The following ANKRD27 variants were observed in gnomAD, a reference collection of about 807,000 sequenced individuals.
ANKRD27 encodes ankyrin repeat domain-containing protein 27.
A neutral mutation model predicts 129.7 loss-of-function variants in ANKRD27; 112 were observed. The observed-to-expected ratio is 0.86, with a 90% CI of 0.74 to 1.01. The LOEUF is 1.01. ANKRD27 is among the 50% of genes least tolerant of loss of function. The pLI is 0.00. For missense variants in ANKRD27, 1,258 were observed against 1,300.5 expected (o/e 0.97, Z 0.50); for synonymous variants, 516 against 511.2 (o/e 1.01, Z -0.13).
chr19:32,656,107 GAAAAGAAAAGA>G (rs1462233024), intron 2 of ANKRD27, among the ~76,000 whole-genome samples: 37 of 107,960 alleles, frequency 3.4e-4, no homozygotes, highest in African/African-American at 1.2e-3. Flanking sequence ...AAGAAAGAAA[GAAAAGAAAAGA>G]AAAGAAAAGA....
rs756676853 is a variant in ANKRD27, at chr19:32,628,784, A to G, written c.1275T>C (p.Asp425=). Reference sequence around the variant, plus strand: ...GAGGGTGACACATCTTTTGGACGGTATCTTTATCATGGTCCTCTTGGCTCA... The same window carrying G: ...GAGGGTGACACATCTTTTGGACGGTGTCTTTATCATGGTCCTCTTGGCTCA... ...RLLSQEDHDK[D]TVQKMCHPLC... Residue 425 remains aspartate (D), a synonymous_variant, in exon 14 of 29, where the codon GAT becomes GAC. Coordinates refer to ENST00000306065, the MANE Select transcript of ANKRD27 (RefSeq NM_032139.3). 6.2e-7 allele frequency: 1 copy of G among 1,614,190 alleles called. No individual in the cohort carries two copies. Among genetic ancestry groups the G allele is most frequent in the South Asian group, 1.1e-5 (1 of 91,080 alleles).
intron 26 of ANKRD27, chr19:32,600,283 T>G: frequency 2.7e-6 from 1 of 373,582 alleles, no homozygotes; most frequent in South Asian, 3.2e-5. Context: ...CTCATGCCTG[T>G]AATCCCAGCA....
At chr19:32,643,016 C>A in intron 9 of ANKRD27, 107 bp downstream of exon 9, 3 of 1,067,360 alleles carry the variant, frequency 2.8e-6, no homozygotes, top group South Asian at 1.3e-5. Context: ...TCAGAACTAA[C>A]CACATCAAAC....
chr19:32,610,049 G>A (rs1026072964), intron 22 of ANKRD27, among the ~76,000 whole-genome samples: 2 of 151,966 alleles, frequency 1.3e-5, no homozygotes, highest in African/African-American at 2.4e-5. Flanking sequence ...GGTAGCTTAC[G>A]CCTGTAATGC....
At position 32,619,569 on chromosome 19, in the gene ANKRD27, G is replaced by A. The variant is rs1329622855; in HGVS notation, c.1828-16C>T. Reference sequence around the variant, plus strand: ...CAGACAGAATCTAGGGGGACAAGGGGGATGCCAACAGTACCCCGTGAGATG... The same window carrying A: ...CAGACAGAATCTAGGGGGACAAGGGAGATGCCAACAGTACCCCGTGAGATG... On this transcript the variant is annotated splice_polypyrimidine_tract_variant and intron_variant, in intron 18 of 28. Transcript: ENST00000306065. 6.2e-7 allele frequency: 1 copy of A among 1,614,036 alleles called. No homozygotes were observed. Among genetic ancestry groups the A allele is most frequent in the Non-Finnish European group, 8.5e-7 (1 of 1,180,018 alleles).
Position 32,606,548 on chromosome 19 carries a change from C to T in ANKRD27, c.2374-594G>A, listed in dbSNP as rs184834511. On this transcript the variant is annotated intron_variant, in intron 23 of 28. Coordinates refer to ENST00000306065, the MANE Select transcript of ANKRD27 (RefSeq NM_032139.3). ...CCATCTGCTGCGGGGCTGCTCTGTGCGGTTGAAGCGCAGGGTGACAGTGAT... is the reference window on the plus strand; with the variant it reads ...CCATCTGCTGCGGGGCTGCTCTGTGTGGTTGAAGCGCAGGGTGACAGTGAT... Among the ~76,000 whole-genome samples, 10 of 152,350 alleles carry T rather than the reference C, an allele frequency of 6.6e-5. No individual in the cohort carries two copies. In the East Asian group the frequency reaches 9.6e-4, roughly 15 times the overall value.
chr19:32,603,446 G>C (rs1305554581), intron 25 of ANKRD27, among the ~76,000 whole-genome samples: 1 of 152,172 alleles, frequency 6.6e-6, no homozygotes, highest in African/African-American at 2.4e-5. Flanking sequence ...CGCTCGCCAG[G>C]GGAAAAGGAC....
At chr19:32,636,395 A>G (rs1302627711) in intron 12 of ANKRD27, 1 of 152,910 alleles carries the variant, frequency 6.5e-6, no homozygotes, top group Non-Finnish European at 1.5e-5. Context: ...GGCTAGCTGC[A>G]GCTATGTAGC....
chr19:32,641,263 C>G (rs1449592318), intron 10 of ANKRD27, among the ~76,000 whole-genome samples: 1 of 151,872 alleles, frequency 6.6e-6, no homozygotes, highest in African/African-American at 2.4e-5. Context: ...CCTTGCCACC[C>G]CCTTGGACGC....
rs78900735 is a variant in ANKRD27, at chr19:32,635,038, G to A, written c.1117-3544C>T. Among the ~76,000 whole-genome samples the A allele has an allele frequency of 0.017, 2,618 of 152,282 alleles. 136 individuals carry two copies. In the East Asian group the frequency reaches 0.21, roughly 12 times the overall value. ...GAAATAAAAGGAGGTGTGAGAAGCC[G>A]ATGTATACTGTTTGGTCAGCCACCT... On this transcript the variant is annotated intron_variant, in intron 12 of 28. Transcript: ENST00000306065.
At chr19:32,607,981 T>C (rs1432191589) in intron 22 of ANKRD27, 149 bp from the exon 23 acceptor site, 2 of 828,066 alleles carry the variant, frequency 2.4e-6, no homozygotes, top group Non-Finnish European at 3.8e-6. Flanking sequence ...TTTAGAAGTA[T>C]GTGGCATGCC....
intron 23 of ANKRD27, 146 bp downstream of exon 23, chr19:32,607,489 C>T (rs1282337199): frequency 3.6e-5 from 35 of 979,996 alleles, no homozygotes; most frequent in Middle Eastern, 3.1e-4. Flanking sequence ...GCTGAGTGGC[C>T]TACCGTGTGC....
At chr19:32,622,649 C>T (rs1184485848) in intron 17 of ANKRD27, 30 bp from the exon 18 acceptor site, 2 of 1,609,290 alleles carry the variant, frequency 1.2e-6, no homozygotes, top group East Asian at 4.5e-5. Flanking sequence ...TGGCATCGCT[C>T]ATGGATGTAC....
intron 28 of ANKRD27, 66 bp from the exon 29 acceptor site, chr19:32,598,444 T>A: frequency 6.7e-7 from 1 of 1,485,006 alleles, no homozygotes; most frequent in Non-Finnish European, 9.4e-7. Context: ...ACCATGACAG[T>A]GACAGCTGCC....
chr19:32,633,331 G>GTTTTTTTTTTTT (rs140018331), intron 12 of ANKRD27, among the ~76,000 whole-genome samples: 1 of 122,230 alleles, frequency 8.2e-6, no homozygotes, highest in African/African-American at 3.0e-5. Context: ...TTTTTTATCT[G>GTTTTTTTTTTTT]TTTTTTTTTT....
At chr19:32,619,677 G>A in intron 18 of ANKRD27, 124 bp from the exon 19 acceptor site, 3 of 1,198,050 alleles carry the variant, frequency 2.5e-6, no homozygotes, top group Non-Finnish European at 3.7e-6. Context: ...TGAGCCTTAG[G>A]TCACGTGGCC....
intron 9 of ANKRD27, among the ~76,000 whole-genome samples, chr19:32,642,514 G>A (rs557567215): frequency 1.5e-4 from 23 of 152,172 alleles, no homozygotes; most frequent in East Asian, 1.9e-4. Context: ...AGGGTGGGCA[G>A]ATCACTTGAG....
intron 25 of ANKRD27, 85 bp from the exon 26 acceptor site, chr19:32,602,211 T>C: frequency 1.2e-6 from 1 of 845,902 alleles, no homozygotes; most frequent in East Asian, 2.6e-5. Context: ...AATGTCAGTA[T>C]TAGTGTGACT....
intron 5 of ANKRD27, 179 bp from the exon 6 acceptor site, chr19:32,643,810 C>T: frequency 3.2e-6 from 2 of 625,824 alleles, no homozygotes; most frequent in South Asian, 3.7e-5. Flanking sequence ...AGAAACTTCC[C>T]CTTGGGGTTA....
Sources: gnomAD v4.1 joint callset for allele counts (sites outside exome capture counted in the v4.1 genomes callset) on GRCh38, gnomAD v4.1.1 for gene constraint, MANE v1.5 for transcripts, NCBI Gene and HGNC (gene_info 2026-07-23, HGNC 2026-07-21) for gene names.